Variants in NDUFAF6 observed in about 807,000 individuals in gnomAD.
The protein encoded by NDUFAF6 is NADH:ubiquinone oxidoreductase complex assembly factor 6.
A neutral mutation model predicts 40.8 loss-of-function variants in NDUFAF6; 45 were observed. The ratio of observed to expected loss-of-function variants is 1.10; its 90% CI spans 0.87 to 1.42. The LOEUF (loss-of-function observed/expected upper bound fraction) is 1.42. Among genes scored for constraint, NDUFAF6 ranks in the 40% most tolerant of loss-of-function variants. NDUFAF6 has a pLI of 0.00. For synonymous variants in NDUFAF6, 185 were observed against 155.9 expected (o/e 1.19, Z -1.39); for missense variants, 435 against 418.5 (o/e 1.04, Z -0.34).
chr8:94,912,147 A>G (rs543809694), intron 1 of NDUFAF6, among the ~76,000 whole-genome samples: 3 of 152,214 alleles, frequency 2.0e-5, no homozygotes, highest in Non-Finnish European at 4.4e-5. Context: ...TCTCTATCCT[A>G]CGAGGGAAAG....
At chr8:95,042,061 C>T (rs376839045) in intron 4 of NDUFAF6, among the ~76,000 whole-genome samples, 6 of 152,124 alleles carry the variant, frequency 3.9e-5, no homozygotes, top group African/African-American at 1.4e-4. Flanking sequence ...CTAATTATTC[C>T]TTAATATCAT....
At chr8:94,982,148 C>A (rs954357884) in intron 2 of NDUFAF6, among the ~76,000 whole-genome samples, 5 of 151,910 alleles carry the variant, frequency 3.3e-5, no homozygotes, top group African/African-American at 1.2e-4. Context: ...GGGAGAATGG[C>A]GTGAACCCAG....
At chr8:94,949,640 G>C (rs956429862) in intron 2 of NDUFAF6, among the ~76,000 whole-genome samples, 1 of 152,142 alleles carries the variant, frequency 6.6e-6, no homozygotes, top group Non-Finnish European at 1.5e-5. Flanking sequence ...GAAGCGCTGG[G>C]GCCGGGGCCG....
intron 2 of NDUFAF6, among the ~76,000 whole-genome samples, chr8:95,012,793 C>T (rs1586964388): frequency 6.6e-6 from 1 of 152,114 alleles, no homozygotes; most frequent in Non-Finnish European, 1.5e-5. Context: ...CACTGCATTC[C>T]AGCCTGGGTG....
At position 94,946,862 on chromosome 8, in the gene NDUFAF6, G is replaced by GT. The variant is rs1259602990; in HGVS notation, c.-799+1244dup. Among the ~76,000 whole-genome samples, 5 of 152,106 alleles carry GT rather than the reference G, an allele frequency of 3.3e-5. No homozygotes were observed. In the South Asian group the frequency reaches 1.0e-3, roughly 32 times the overall value. On this transcript the variant is annotated intron_variant, in intron 2 of 14. Coordinates refer to the NDUFAF6 transcript ENST00000396113. ...ATAATACCTACTTCACAGTGCCAGT[G>GT]TAAGGATTAAGTGTATACTACTTAG...
chr8:95,057,001 T>G (rs1832255523), intron 8 of NDUFAF6, among the ~76,000 whole-genome samples: 1 of 152,178 alleles, frequency 6.6e-6, no homozygotes, highest in African/African-American at 2.4e-5. Flanking sequence ...ATATTTTTTG[T>G]TTTTGTTCTC....
chr8:94,953,345 T>C (rs1822787828), upstream of NDUFAF6, among the ~76,000 whole-genome samples: 2 of 141,742 alleles, frequency 1.4e-5, no homozygotes, highest in Admixed American at 7.0e-5. Context: ...AAACTCCATC[T>C]CAAGAAAAAA....
intron 1 of NDUFAF6, among the ~76,000 whole-genome samples, chr8:94,966,733 A>G (rs1367137922): frequency 6.6e-6 from 1 of 152,124 alleles, no homozygotes; most frequent in Non-Finnish European, 1.5e-5. Context: ...CTTCCACCAT[A>G]CTTAGTGTGT....
At chr8:94,992,610 T>A (rs1826245120) in intron 2 of NDUFAF6, among the ~76,000 whole-genome samples, 1 of 152,234 alleles carries the variant, frequency 6.6e-6, no homozygotes, top group Non-Finnish European at 1.5e-5. Flanking sequence ...CCAGTCCCAG[T>A]CTTTCCCATG....
At chr8:95,005,280 A>G (rs2131656009) in intron 2 of NDUFAF6, among the ~76,000 whole-genome samples, 1 of 152,120 alleles carries the variant, frequency 6.6e-6, no homozygotes, top group South Asian at 2.1e-4. Context: ...TGACAAAGAG[A>G]CCGAAAGGCA....
At chr8:94,925,067 TG>T (rs1050394982) in intron 1 of NDUFAF6, among the ~76,000 whole-genome samples, 45 of 152,330 alleles carry the variant, frequency 3.0e-4, no homozygotes, top group African/African-American at 1.0e-3. Context: ...CATTTCAACC[TG>T]CTGCTTCTCA....
chr8:94,986,034 C>T (rs185864362), intron 2 of NDUFAF6, among the ~76,000 whole-genome samples: 122 of 151,864 alleles, frequency 8.0e-4, no homozygotes, highest in East Asian at 5.2e-3. Context: ...CCACCATGCC[C>T]GGCTAATTTT....
upstream of NDUFAF6, among the ~76,000 whole-genome samples, chr8:95,023,005 G>A (rs893660783): frequency 6.6e-6 from 1 of 151,928 alleles, no homozygotes; most frequent in East Asian, 1.9e-4. Flanking sequence ...TTTTTCTTTC[G>A]AATTTTTCTG....
chr8:94,900,654 C>T (rs1383730571), intron 1 of NDUFAF6, among the ~76,000 whole-genome samples: 1 of 152,180 alleles, frequency 6.6e-6, no homozygotes, highest in African/African-American at 2.4e-5. Flanking sequence ...ACAGAGTGCT[C>T]TGGGCGGGGC....
In NDUFAF6 at chr8:95,033,784, G is replaced by A. The variant is rs78866962; in HGVS notation, c.298-1670G>A. Among the ~76,000 whole-genome samples the A allele has an allele frequency of 7.4e-3, 1,126 of 152,322 alleles. 17 individuals carry two copies. Among genetic ancestry groups the A allele is most frequent in the African/African-American group, 0.026 (1,090 of 41,566 alleles). On this transcript the variant is annotated intron_variant, in intron 2 of 8. Coordinates refer to ENST00000396124, the MANE Select transcript of NDUFAF6 (RefSeq NM_152416.4). Reference sequence around the variant, plus strand: ...GAGTATTCTAGGCAGAAGGAACAGCGAGTGCAGTCTCTAAGGTGCAATTGT... The same window carrying A: ...GAGTATTCTAGGCAGAAGGAACAGCAAGTGCAGTCTCTAAGGTGCAATTGT...
chr8:94,904,498 T>G (rs1438859042), intron 1 of NDUFAF6, among the ~76,000 whole-genome samples: 1 of 151,834 alleles, frequency 6.6e-6, no homozygotes, highest in Non-Finnish European at 1.5e-5. Flanking sequence ...TAAAATAATT[T>G]GTTCTGTTCC....
intron 1 of NDUFAF6, among the ~76,000 whole-genome samples, chr8:95,029,808 T>A (rs1828619450): frequency 6.6e-6 from 1 of 152,250 alleles, no homozygotes; most frequent in Non-Finnish European, 1.5e-5. Context: ...TCTCTCCATA[T>A]CATATCAGGC....
chr8:95,099,238 T>C (rs867138875), upstream of NDUFAF6, among the ~76,000 whole-genome samples: 5 of 151,586 alleles, frequency 3.3e-5, no homozygotes, highest in Non-Finnish European at 5.9e-5. Context: ...AGACCCTGTC[T>C]CAAAAAACAA....
intron 4 of NDUFAF6, among the ~76,000 whole-genome samples, chr8:95,044,805 G>T (rs1185555488): frequency 6.6e-6 from 1 of 151,164 alleles, no homozygotes; most frequent in Non-Finnish European, 1.5e-5. Context: ...GCTGGTGTTA[G>T]TTTTTTCTGA....
Sources: gnomAD v4.1 joint callset for allele counts (sites outside exome capture counted in the v4.1 genomes callset) on GRCh38, gnomAD v4.1.1 for gene constraint, MANE v1.5 for transcripts, NCBI Gene and HGNC (gene_info 2026-07-23, HGNC 2026-07-21) for gene names.